TMEM108: variants seen among roughly 807,000 people sequenced by gnomAD.
The protein encoded by TMEM108 is cancer/testis antigen 124.
Under a neutral mutation model 35.1 loss-of-function variants are expected in TMEM108, and 12 were observed. The observed-to-expected ratio is 0.34, with a 90% CI of 0.22 to 0.55. The LOEUF is 0.55. Among genes scored for constraint, TMEM108 ranks in the 20% least tolerant of loss-of-function variants. The pLI is 0.89. For synonymous variants in TMEM108, 287 were observed against 308.6 expected (o/e 0.93, Z 0.73); for missense variants, 680 against 753.3 (o/e 0.90, Z 1.14).
At position 133,184,439 on chromosome 3, in the gene TMEM108, A is replaced by T. The variant is rs138993169; in HGVS notation, c.-46-44827A>T. Among the ~76,000 whole-genome samples the T allele has an allele frequency of 1.6e-4, 24 of 152,214 alleles. No individual in the cohort carries two copies. The East Asian group carries it at 4.6e-3, about 29-fold the overall frequency. On this transcript the variant is annotated intron_variant, in intron 2 of 5. Transcript: ENST00000321871. ...ATGTATCAGCTACATTTCTACTTGCATTTTCTTTACTGGGCAAAGAACTCT... is the reference window on the plus strand; with the variant it reads ...ATGTATCAGCTACATTTCTACTTGCTTTTTCTTTACTGGGCAAAGAACTCT...
intron 2 of TMEM108, among the ~76,000 whole-genome samples, chr3:133,064,583 T>C (rs904824236): frequency 6.6e-6 from 1 of 152,224 alleles, no homozygotes; most frequent in Non-Finnish European, 1.5e-5. Context: ...AATACTTGAA[T>C]TGTTTTAATA....
At chr3:133,125,438 C>T (rs1400348253) in intron 2 of TMEM108, among the ~76,000 whole-genome samples, 2 of 152,032 alleles carry the variant, frequency 1.3e-5, no homozygotes, top group South Asian at 2.1e-4. Flanking sequence ...TGTTGAACCT[C>T]GAATGTGCTA....
At chr3:133,081,507 C>G (rs73005567) in intron 2 of TMEM108, among the ~76,000 whole-genome samples, 8 of 152,162 alleles carry the variant, frequency 5.3e-5, no homozygotes, top group African/African-American at 1.9e-4. Context: ...TTGGGGGGAA[C>G]GCAATTCAGT....
intron 2 of TMEM108, among the ~76,000 whole-genome samples, chr3:133,174,422 C>T (rs1054963983): frequency 2.0e-5 from 3 of 152,290 alleles, no homozygotes; most frequent in South Asian, 2.1e-4. Context: ...CTAGGAGGCA[C>T]CCCCCAGTAG....
intron 3 of TMEM108, among the ~76,000 whole-genome samples, chr3:133,340,406 G>A (rs977125939): frequency 6.6e-6 from 1 of 151,390 alleles, no homozygotes; most frequent in Non-Finnish European, 1.5e-5. Context: ...AAACTTGAAC[G>A]GACTAATAAC....
chr3:133,290,130 G>A (rs1947042295), intron 3 of TMEM108, among the ~76,000 whole-genome samples: 1 of 133,666 alleles, frequency 7.5e-6, no homozygotes, highest in Non-Finnish European at 1.7e-5. Flanking sequence ...TAAGAAGAGG[G>A]GGACAGAGCA....
intron 2 of TMEM108, among the ~76,000 whole-genome samples, chr3:133,170,362 C>T (rs2107789574): frequency 6.6e-6 from 1 of 152,302 alleles, no homozygotes; most frequent in South Asian, 2.1e-4. Flanking sequence ...GTTAAAAAAA[C>T]TTGAAATTTT....
chr3:133,054,505 C>T (rs1943442258), intron 2 of TMEM108, among the ~76,000 whole-genome samples: 1 of 152,166 alleles, frequency 6.6e-6, no homozygotes. Context: ...GTTTGTAAGA[C>T]TCCAGTTGTG....
intron 3 of TMEM108, among the ~76,000 whole-genome samples, chr3:133,300,187 T>G (rs975883967): frequency 1.3e-5 from 2 of 151,702 alleles, no homozygotes; most frequent in South Asian, 2.1e-4. Flanking sequence ...TATGGGGGGG[T>G]GGGTGGTGGT....
intron 2 of TMEM108, among the ~76,000 whole-genome samples, chr3:133,057,562 GGGGT>G (rs1167406411): frequency 6.7e-6 from 1 of 149,406 alleles, no homozygotes; most frequent in East Asian, 2.0e-4. Flanking sequence ...TATAACTGTT[GGGGT>G]TCTTCTGCAT....
At position 133,121,558 on chromosome 3, in the gene TMEM108, A is replaced by G. The variant is rs117612637; in HGVS notation, c.-47+75538A>G. On this transcript the variant is annotated intron_variant, in intron 2 of 5. Transcript: ENST00000321871. Reference sequence around the variant, plus strand: ...TATGTAGTACATTTTCAGGGTCTCAAAGAAGCTCATCTGTCTATGAAGGTG... The same window carrying G: ...TATGTAGTACATTTTCAGGGTCTCAGAGAAGCTCATCTGTCTATGAAGGTG... 4.3e-3 allele frequency among the ~76,000 whole-genome samples: 662 copies of G among 152,304 alleles called. 12 individuals carry two copies. The highest frequency in any genetic ancestry group is 0.03 in the East Asian group (155 of 5,176).
At chr3:133,106,974 G>C (rs927636469) in intron 2 of TMEM108, among the ~76,000 whole-genome samples, 1 of 152,200 alleles carries the variant, frequency 6.6e-6, no homozygotes, top group African/African-American at 2.4e-5. Flanking sequence ...GTAATAGATA[G>C]CTAATACAGC....
intron 1 of TMEM108, among the ~76,000 whole-genome samples, chr3:133,039,831 C>G (rs1238055370): frequency 6.6e-6 from 1 of 152,212 alleles, no homozygotes; most frequent in Non-Finnish European, 1.5e-5. Flanking sequence ...ATAGCTCTTA[C>G]ATTCCCTGTA....
intron 3 of TMEM108, among the ~76,000 whole-genome samples, chr3:133,284,930 T>A (rs1324446177): frequency 6.6e-6 from 1 of 150,888 alleles, no homozygotes; most frequent in South Asian, 2.1e-4. Flanking sequence ...TTGTTTTTTG[T>A]TTTTTTTTAC....
At chr3:133,287,796 C>T (rs1947006191) in intron 3 of TMEM108, among the ~76,000 whole-genome samples, 1 of 152,120 alleles carries the variant, frequency 6.6e-6, no homozygotes, top group Admixed American at 6.5e-5. Flanking sequence ...CAAACACTCT[C>T]AAAATAAAAA....
Position 133,397,758 on chromosome 3 carries a change from A to T in TMEM108, c.*1772A>T, listed in dbSNP as rs2073325956. 6.6e-6 allele frequency: 1 copy of T among 152,188 alleles called. No homozygotes were observed. The highest frequency in any genetic ancestry group is 6.5e-5 in the Admixed American group (1 of 15,276). 9.4% of individuals were successfully genotyped at this position (152,188 alleles called of 1,614,324 possible). On this transcript the variant is annotated 3_prime_UTR_variant, in exon 6 of 6. Coordinates refer to ENST00000321871, the MANE Select transcript of TMEM108 (RefSeq NM_023943.4). ...CTACCATGTATATATAAATAAACTTATTTTATTAGCCAGAGGATTCTGTTG... is the reference window on the plus strand; with the variant it reads ...CTACCATGTATATATAAATAAACTTTTTTTATTAGCCAGAGGATTCTGTTG...
At chr3:133,066,668 A>G (rs1201552401) in intron 2 of TMEM108, among the ~76,000 whole-genome samples, 2 of 152,140 alleles carry the variant, frequency 1.3e-5, no homozygotes, top group Non-Finnish European at 2.9e-5. Context: ...TAAAAAGTTA[A>G]TTTATTATAC....
intron 2 of TMEM108, among the ~76,000 whole-genome samples, chr3:133,159,056 C>A (rs1423845317): frequency 7.9e-5 from 12 of 152,200 alleles, no homozygotes; most frequent in Non-Finnish European, 4.4e-5. Context: ...AGCAAAAATG[C>A]AGGCTTTCCA....
intron 3 of TMEM108, among the ~76,000 whole-genome samples, chr3:133,375,088 G>A (rs535258627): frequency 6.6e-6 from 1 of 152,350 alleles, no homozygotes; most frequent in Non-Finnish European, 1.5e-5. Context: ...AGGTTGCTGT[G>A]AGAATTAAAT....
Sources: allele counts gnomAD v4.1 joint callset (sites outside exome capture counted in the v4.1 genomes callset), GRCh38; gene constraint gnomAD v4.1.1; transcripts MANE v1.5; gene names NCBI Gene and HGNC (gene_info 2026-07-23, HGNC 2026-07-21).